The following ACBD6 variants were observed in gnomAD, a reference collection of about 807,000 sequenced individuals.
ACBD6 encodes the protein acyl-CoA binding domain containing 6, also known as acyl-CoA-binding domain-containing protein 6.
Under a neutral mutation model 37.2 loss-of-function variants are expected in ACBD6, and 28 were observed. That is an observed-to-expected ratio of 0.75 (90% confidence interval 0.56 to 1.03). The LOEUF (loss-of-function observed/expected upper bound fraction) is 1.03, where lower values mean the gene tolerates loss of function less well. Among genes scored for constraint, ACBD6 ranks in the 50% least tolerant of loss-of-function variants. ACBD6 has a pLI of 0.00. For synonymous variants in ACBD6, 113 were observed against 126.8 expected, an observed-to-expected ratio of 0.89 and a Z score of 0.73; for missense variants, 340 against 337.4, an observed-to-expected ratio of 1.01 and a Z score of -0.06.
At chr1:180,339,190 C>G (rs1337078200) in intron 6 of ACBD6, among the ~76,000 whole-genome samples, 5 of 152,170 alleles carry the variant, frequency 3.3e-5, no homozygotes, top group Non-Finnish European at 7.4e-5. Context: ...GGTATATACC[C>G]AAAGGAGTAT....
downstream of ACBD6, among the ~76,000 whole-genome samples, chr1:180,286,430 C>A (rs1365165217): frequency 6.6e-6 from 1 of 152,096 alleles, no homozygotes; most frequent in African/African-American, 2.4e-5. Flanking sequence ...TGCTCAAATA[C>A]CCTGTAAATT....
chr1:180,316,649 CTA>C (rs543124157), intron 6 of ACBD6, among the ~76,000 whole-genome samples: 31 of 152,254 alleles, frequency 2.0e-4, no homozygotes, highest in African/African-American at 7.2e-4. Flanking sequence ...AAAGCATAAT[CTA>C]TTTCTTTTAA....
chr1:180,331,228 A>G (rs1315847932), intron 6 of ACBD6, among the ~76,000 whole-genome samples: 1 of 152,190 alleles, frequency 6.6e-6, no homozygotes, highest in Admixed American at 6.6e-5. Flanking sequence ...CCCATCAGGT[A>G]TTTATCATTC....
At chr1:180,281,136 G>A (rs1161085445) in intron 9 of ACBD6, among the ~76,000 whole-genome samples, 1 of 152,164 alleles carries the variant, frequency 6.6e-6, no homozygotes, top group Non-Finnish European at 1.5e-5. Context: ...AGCTCACAAA[G>A]GAGAGAAGAT....
intron 3 of ACBD6, among the ~76,000 whole-genome samples, chr1:180,467,007 A>C (rs1650372700): frequency 1.3e-5 from 2 of 152,136 alleles, no homozygotes; most frequent in Admixed American, 1.3e-4. Flanking sequence ...AAAGATTAAC[A>C]CTAGAGTCTA....
intron 6 of ACBD6, among the ~76,000 whole-genome samples, chr1:180,340,005 A>T (rs1651915809): frequency 6.6e-6 from 1 of 152,114 alleles, no homozygotes. Flanking sequence ...GGGGAAAAGC[A>T]ATAGGAGGGA....
At chr1:180,355,781 T>C (rs1652601214) in intron 6 of ACBD6, among the ~76,000 whole-genome samples, 1 of 152,212 alleles carries the variant, frequency 6.6e-6, no homozygotes, top group African/African-American at 2.4e-5. Flanking sequence ...TGTTTAAAAC[T>C]TTGAAGCTTA....
chr1:180,271,642 C>T, exon 14 of ACBD6: 7 of 1,459,750 alleles, frequency 4.8e-6, no homozygotes, highest in Non-Finnish European at 6.7e-6. Flanking sequence ...AGGGCTTGAC[C>T]CCAGGGCTTT....
At chr1:180,501,983 A>T in intron 1 of ACBD6, 62 bp downstream of exon 1, 2 of 1,497,314 alleles carry the variant, frequency 1.3e-6, no homozygotes. Context: ...GCTTGCTATC[A>T]GTTGTTGAGG....
intron 6 of ACBD6, among the ~76,000 whole-genome samples, chr1:180,353,847 A>AG (rs1490766564): frequency 2.6e-5 from 4 of 151,568 alleles, no homozygotes; most frequent in Non-Finnish European, 5.9e-5. Flanking sequence ...GAAAAGAAAA[A>AG]ATATTAATAA....
chr1:180,386,913 T>C (rs1471725105), intron 6 of ACBD6, among the ~76,000 whole-genome samples: 1 of 152,204 alleles, frequency 6.6e-6, no homozygotes, highest in African/African-American at 2.4e-5. Context: ...TGGCGTATAT[T>C]GACCTCCTTT....
At chr1:180,362,685 C>A (rs1253389956) in intron 6 of ACBD6, among the ~76,000 whole-genome samples, 2 of 152,104 alleles carry the variant, frequency 1.3e-5, no homozygotes, top group Non-Finnish European at 2.9e-5. Flanking sequence ...AGATAAAATT[C>A]TGAGTTGTTA....
chr1:180,356,479 A>G (rs1230047009), intron 6 of ACBD6, among the ~76,000 whole-genome samples: 2 of 151,964 alleles, frequency 1.3e-5, no homozygotes, highest in East Asian at 1.9e-4. Flanking sequence ...GCCTATTGTT[A>G]TTATTTTTTA....
chr1:180,411,161 G>A (rs1182743574), intron 5 of ACBD6, among the ~76,000 whole-genome samples: 1 of 152,200 alleles, frequency 6.6e-6, no homozygotes, highest in Non-Finnish European at 1.5e-5. Context: ...AACAGATGAG[G>A]AGTAGCTTCT....
At chr1:180,419,932 T>C (rs985749219) in intron 4 of ACBD6, among the ~76,000 whole-genome samples, 1 of 152,252 alleles carries the variant, frequency 6.6e-6, no homozygotes, top group Non-Finnish European at 1.5e-5. Context: ...TTTAGTTTGT[T>C]TCTCTAAAAG....
chr1:180,279,983 T>A (rs900538133), intron 9 of ACBD6, among the ~76,000 whole-genome samples: 2 of 152,244 alleles, frequency 1.3e-5, no homozygotes, highest in Non-Finnish European at 2.9e-5. Context: ...ATATGGTAGC[T>A]ACTAGCCACA....
exon 14 of ACBD6, chr1:180,271,060 C>CA (rs1039878601): frequency 2.4e-6 from 1 of 413,286 alleles, no homozygotes; most frequent in African/African-American, 2.0e-5. Flanking sequence ...GAGTGTTTGT[C>CA]ATGACAGGGA....
chr1:180,303,784 C>T (rs928024094), intron 7 of ACBD6, among the ~76,000 whole-genome samples: 1 of 150,640 alleles, frequency 6.6e-6, no homozygotes, highest in African/African-American at 2.4e-5. Flanking sequence ...GTTACCAAAG[C>T]CTGGCAGAGA....
chr1:180,296,711 A>G (rs1035302712), intron 7 of ACBD6, among the ~76,000 whole-genome samples: 1 of 151,294 alleles, frequency 6.6e-6, no homozygotes, highest in Non-Finnish European at 1.5e-5. Flanking sequence ...GATTACAGGC[A>G]TGAGCCACCA....
Sources: gnomAD v4.1 joint callset for allele counts (sites outside exome capture counted in the v4.1 genomes callset) on GRCh38, gnomAD v4.1.1 for gene constraint, MANE v1.5 for transcripts, NCBI Gene and HGNC (gene_info 2026-07-23, HGNC 2026-07-21) for gene names.